SPTBN1: variants seen among roughly 807,000 people sequenced by gnomAD.
The protein encoded by SPTBN1 is spectrin beta chain, non-erythrocytic 1.
Under a neutral mutation model 266.4 loss-of-function variants are expected in SPTBN1, and 32 were observed. The ratio of observed to expected loss-of-function variants is 0.12; its 90% confidence interval spans 0.09 to 0.16. The LOEUF (loss-of-function observed/expected upper bound fraction) is 0.16. Ranked by LOEUF, SPTBN1 falls within the 10% of genes least tolerant of loss-of-function variation. The pLI, the probability that SPTBN1 is intolerant of heterozygous loss-of-function variation, is 1.00. For missense variants in SPTBN1, 2,296 were observed against 3,067.1 expected (o/e 0.75, Z 5.94); for synonymous variants, 1,336 against 1,162.2 (o/e 1.15, Z -3.04).
At chr2:54,655,255 A>G in intron 28 of SPTBN1, 47 bp downstream of exon 28, 1 of 1,602,836 alleles carries the variant, frequency 6.2e-7, no homozygotes, top group Non-Finnish European at 8.5e-7. Context: ...TCAAGATGTA[A>G]AATGACTTTG....
intron 1 of SPTBN1, among the ~76,000 whole-genome samples, chr2:54,457,002 G>T (rs901554172): frequency 1.3e-5 from 2 of 151,846 alleles, no homozygotes; most frequent in East Asian, 1.9e-4. Flanking sequence ...GGGAGCGGGG[G>T]CGGCGGTGAC....
chr2:54,645,025 C>T lies in SPTBN1; in HGVS notation c.4270-204C>T. 1.7e-6 allele frequency: 1 copy of T among 596,286 alleles called. No homozygotes were observed. Among genetic ancestry groups the T allele is most frequent in the Non-Finnish European group, 3.0e-6 (1 of 338,386 alleles). 36.9% of individuals were successfully genotyped at this position (596,286 alleles called of 1,614,324 possible). A position where few individuals can be genotyped will look rare whatever the true frequency, so the allele number is the denominator to read the frequency against. On this transcript the variant is annotated intron_variant, in intron 20 of 35. Coordinates refer to ENST00000356805, the MANE Select transcript of SPTBN1 (RefSeq NM_003128.3). The surrounding 1 kb of genome is among the most constrained non-coding windows in gnomAD (Gnocchi z 4.3). ...GTTTATATTATATCACCGTAGAGGG[C>T]TTTAAGGGCAAATGAATTTACCTCA...
At chr2:54,469,952 AG>A (rs1693838509) in intron 1 of SPTBN1, among the ~76,000 whole-genome samples, 1 of 152,214 alleles carries the variant, frequency 6.6e-6, no homozygotes, top group Admixed American at 6.5e-5. Context: ...GAAAGAAACC[AG>A]CACACATCCT....
intron 2 of SPTBN1, chr2:54,535,163 G>A (rs1169495791): frequency 1.3e-5 from 2 of 152,232 alleles, no homozygotes; most frequent in African/African-American, 4.8e-5. Context: ...GAGGAAAAAT[G>A]TATGTGACCT....
chr2:54,639,167 G>A (rs549541472), intron 18 of SPTBN1, among the ~76,000 whole-genome samples: 2 of 152,354 alleles, frequency 1.3e-5, no homozygotes, highest in South Asian at 4.1e-4. Flanking sequence ...CACTTACAGA[G>A]GCATTCATGT....
intron 1 of SPTBN1, among the ~76,000 whole-genome samples, chr2:54,521,365 A>G (rs1002326515): frequency 1.3e-5 from 2 of 152,238 alleles, no homozygotes; most frequent in Admixed American, 6.5e-5. Flanking sequence ...TGCCTTGAAA[A>G]TAAAATAGTG....
At chr2:54,494,445 G>T (rs550277680) in intron 1 of SPTBN1, among the ~76,000 whole-genome samples, 3 of 152,240 alleles carry the variant, frequency 2.0e-5, no homozygotes, top group African/African-American at 7.2e-5. Flanking sequence ...ATACACAAAT[G>T]TTTATAGCAG....
Position 54,659,174 on chromosome 2 carries a change from C to T in SPTBN1, c.6264C>T (p.Arg2088=). 1 of 1,614,012 alleles carries T rather than the reference C, an allele frequency of 6.2e-7. No homozygotes were observed. The highest frequency in any genetic ancestry group is 8.5e-7 in the Non-Finnish European group (1 of 1,179,954). ...RLTTLELLEV[R]RQQEEEERKR... ...CTTAGTTGGAGTTACTGGAAGTGCG[C>T]AGACAGCAAGAGGAAGAGGAGAGGA... is the stretch of plus-strand genomic sequence containing the variant. The change falls in exon 31 of 36, where the codon CGC becomes CGT. Residue 2088 remains arginine (R), a synonymous_variant. Coordinates refer to ENST00000356805, the MANE Select transcript of SPTBN1 (RefSeq NM_003128.3).
intron 1 of SPTBN1, among the ~76,000 whole-genome samples, chr2:54,487,389 C>A (rs1231684275): frequency 8.8e-6 from 1 of 114,200 alleles, no homozygotes; most frequent in African/African-American, 4.4e-5. Context: ...TTTGCATTTA[C>A]TATATGCATG....
At chr2:54,457,161 C>G (rs1341834032) in intron 1 of SPTBN1, 2 of 136,438 alleles carry the variant, frequency 1.5e-5, no homozygotes, top group African/African-American at 2.7e-5. Context: ...CCGCCCCCCC[C>G]CCGCCCTTTC....
intron 4 of SPTBN1, among the ~76,000 whole-genome samples, chr2:54,613,001 G>A (rs1313021035): frequency 1.3e-5 from 2 of 152,072 alleles, no homozygotes; most frequent in Non-Finnish European, 2.9e-5. Context: ...TGAAGAAATC[G>A]GGGACCCACA....
At chr2:54,663,288 C>G (rs1572781811) in intron 32 of SPTBN1, 1 of 152,224 alleles carries the variant, frequency 6.6e-6, no homozygotes, top group Non-Finnish European at 1.5e-5. Context: ...GGCGACGTAT[C>G]TAATGAGCGT....
chr2:54,666,304 C>G (rs1376728495), intron 34 of SPTBN1, among the ~76,000 whole-genome samples: 2 of 152,224 alleles, frequency 1.3e-5, no homozygotes, highest in Non-Finnish European at 2.9e-5. Context: ...GTTAACAGTA[C>G]ATCTGAGCAT....
chr2:54,469,900 C>A (rs1693830052), intron 1 of SPTBN1, among the ~76,000 whole-genome samples: 1 of 152,172 alleles, frequency 6.6e-6, no homozygotes, highest in South Asian at 2.1e-4. Context: ...TGGGGAAGTG[C>A]CTCTAGCCTG....
Position 54,461,517 on chromosome 2 carries a change from A to G in SPTBN1, c.-48+4999A>G, listed in dbSNP as rs7597532. ...GCATATGCATCATCAGCCTTAGTAG[A>G]GAATGTAGAACTGTTTTTTACAAAG... On this transcript the variant is annotated intron_variant, in intron 1 of 35. Coordinates refer to ENST00000356805, the MANE Select transcript of SPTBN1 (RefSeq NM_003128.3). Among the ~76,000 whole-genome samples, 1,514 of 152,354 alleles carry G rather than the reference A, an allele frequency of 9.9e-3. 34 individuals carry two copies. Among genetic ancestry groups the G allele is most frequent in the African/African-American group, 0.034 (1,433 of 41,576 alleles).
At chr2:54,659,129 C>A (rs1248369420) in intron 30 of SPTBN1, 25 bp from the exon 31 acceptor site, 1 of 1,612,076 alleles carries the variant, frequency 6.2e-7, no homozygotes, top group Admixed American at 1.7e-5. Context: ...GGGACTCTAC[C>A]AAACATCACT....
chr2:54,490,741 A>G (rs938220162), intron 1 of SPTBN1, among the ~76,000 whole-genome samples: 1 of 152,204 alleles, frequency 6.6e-6, no homozygotes, highest in Admixed American at 6.5e-5. Flanking sequence ...AGCTTAGTGA[A>G]GAAGGATGAG....
chr2:54,642,738 G>C (rs1679660150), intron 18 of SPTBN1, among the ~76,000 whole-genome samples: 1 of 152,258 alleles, frequency 6.6e-6, no homozygotes, highest in South Asian at 2.1e-4. Context: ...TTGAAAACTG[G>C]CTTATAGAGC....
chr2:54,635,240 G>A lies in SPTBN1; in HGVS notation c.3767+2472G>A, dbSNP rs1286510350. Among the ~76,000 whole-genome samples, 12 of 152,204 alleles carry A rather than the reference G, an allele frequency of 7.9e-5. 1 individual carries two copies. Among genetic ancestry groups the A allele is most frequent in the Admixed American group, 5.9e-4 (9 of 15,288 alleles). On this transcript the variant is annotated intron_variant, in intron 17 of 35. Coordinates refer to ENST00000356805, the MANE Select transcript of SPTBN1 (RefSeq NM_003128.3). ...CAGGCCCTTCCCTGTAATTGAATCC[G>A]TGATCCAACATGGAGAGAATTTCCT...
Sources: allele counts gnomAD v4.1 joint callset (sites outside exome capture counted in the v4.1 genomes callset), GRCh38; gene constraint gnomAD v4.1.1; non-coding constraint Gnocchi (gnomAD v3.1); transcripts MANE v1.5; gene names NCBI Gene and HGNC (gene_info 2026-07-23, HGNC 2026-07-21).